Variants in TMPRSS5 observed in about 807,000 individuals in gnomAD.
TMPRSS5 encodes the protein transmembrane protease serine 5.
A neutral mutation model predicts 59.7 loss-of-function variants in TMPRSS5; 45 were observed. The observed-to-expected ratio is 0.75, with a 90% CI of 0.59 to 0.97. TMPRSS5 has a LOEUF of 0.97. TMPRSS5 is among the 50% of genes least tolerant of loss of function. TMPRSS5 has a pLI of 0.00. For synonymous variants in TMPRSS5, 225 were observed against 232.0 expected (o/e 0.97, Z 0.27); for missense variants, 585 against 596.7 (o/e 0.98, Z 0.20).
chr11:113,693,029 G>T, intron 9 of TMPRSS5, 42 bp downstream of exon 9: 2 of 1,359,898 alleles, frequency 1.5e-6, no homozygotes, highest in South Asian at 1.2e-5. Context: ...GCCCTCTCTC[G>T]CCATAGTCTC....
chr11:113,693,212 C>T lies in TMPRSS5; in HGVS notation c.823G>A (p.Ala275Thr). The T allele has an allele frequency of 6.3e-7, 1 of 1,587,484 alleles. No individual in the cohort carries two copies. The highest frequency in any genetic ancestry group is 1.1e-5 in the South Asian group (1 of 87,354). ...ACGGCACTGTGGCTGACCAGCCCCG[C>T]ATGAACCCGCCAGCTGGACAGGCGG... ...LARLSSWRVH[A>T]GLVSHSAVRP... The change falls in exon 9 of 13, where the codon GCG becomes ACG. Residue 275 changes from alanine to threonine, a missense_variant. By Grantham distance (58) the Ala-to-Thr change is moderately conservative. Transcript: ENST00000299882.
At chr11:113,701,618 G>A (rs1423273873) in intron 1 of TMPRSS5, among the ~76,000 whole-genome samples, 1 of 151,948 alleles carries the variant, frequency 6.6e-6, no homozygotes, top group Non-Finnish European at 1.5e-5. Flanking sequence ...TCAAAATATA[G>A]GACATGAAGG....
chr11:113,693,022 C>G (rs1408358503), intron 9 of TMPRSS5, 49 bp downstream of exon 9: 1 of 1,496,716 alleles, frequency 6.7e-7, no homozygotes, highest in Non-Finnish European at 9.1e-7. Context: ...AGCCCCCGCC[C>G]TCTCTCGCCA....
chr11:113,691,786 G>GTAGATACTCATGTAGTATCTACTACT (rs1952785752), intron 9 of TMPRSS5, among the ~76,000 whole-genome samples: 3 of 150,068 alleles, frequency 2.0e-5, no homozygotes, highest in Non-Finnish European at 3.0e-5. Flanking sequence ...TACTACTACA[G>GTAGATACTCATGTAGTATCTACTACT]TAGATACTCA....
At chr11:113,699,945 G>A (rs1202011538) in intron 2 of TMPRSS5, 121 bp downstream of exon 2, 2 of 1,533,054 alleles carry the variant, frequency 1.3e-6, no homozygotes, top group Admixed American at 2.0e-5. Context: ...GGGATAAAGA[G>A]TGAGACAGCC....
chr11:113,699,260 TCTCTCTCTCTCC>T lies in TMPRSS5; in HGVS notation c.206-245_206-234del, dbSNP rs1565263679. 5.4e-3 allele frequency among the ~76,000 whole-genome samples: 195 copies of T among 35,926 alleles called. 25 individuals are homozygous for T. Among genetic ancestry groups the T allele is most frequent in the East Asian group, 0.014 (20 of 1,380 alleles). 23.6% of individuals were successfully genotyped at this position (35,926 alleles called of 152,430 possible). A position where few individuals can be genotyped will look rare whatever the true frequency, so the allele number is the denominator to read the frequency against. ...CTCTCTCTCTCTCTCTCTCTCTCTC[TCTCTCTCTCTCC>T]CTCTCTCTCTCTCTCTCTCTGTCTC... On this transcript the variant is annotated intron_variant, in intron 3 of 12. Transcript: ENST00000299882.
chr11:113,697,338 C>A lies in TMPRSS5; in HGVS notation c.409G>T (p.Glu137Ter). ...DQPRWLLVCH[E>*]GWSPALGLQI... ...AGCCCCAGGGCGGGGCTCCAGCCCTCATGGCAGACCAGGAGCCAGCGTGGC... is the reference window on the plus strand; with the variant it reads ...AGCCCCAGGGCGGGGCTCCAGCCCTAATGGCAGACCAGGAGCCAGCGTGGC... The change falls in exon 5 of 13, where the codon GAG (glutamate) becomes TAG (stop). Residue 137 changes from glutamate to a stop codon, truncating the protein, a stop_gained. Transcript: ENST00000299882. LOFTEE classifies it high-confidence loss of function. 6.2e-7 allele frequency: 1 copy of A among 1,613,814 alleles called. No homozygotes were observed. The highest frequency in any genetic ancestry group is 8.5e-7 in the Non-Finnish European group (1 of 1,179,710).
At chr11:113,689,699 G>C in intron 12 of TMPRSS5, 66 bp downstream of exon 12, 1 of 1,546,348 alleles carries the variant, frequency 6.5e-7, no homozygotes, top group Non-Finnish European at 8.8e-7. Context: ...TAAGGGGTAA[G>C]GTTCCTTGCA....
Position 113,697,397 on chromosome 11 carries a change from T to C in TMPRSS5, c.350A>G (p.Glu117Gly), listed in dbSNP as rs760359816. Residue 117 changes from glutamate (E) to glycine (G), a missense_variant, in exon 5 of 13, where the codon GAA becomes GGA. Glu to Gly is a moderately conservative substitution (Grantham distance 98, BLOSUM62 -2). Coordinates refer to ENST00000299882, the MANE Select transcript of TMPRSS5 (RefSeq NM_030770.4). ...CACTTGCGCTTCCAGCAAGAAGTCT[T>C]CGCTGTTTATTCTGAAAGATACTGA... ...PKTVSFRINS[E>G]DFLLEAQVRD... 6.2e-7 allele frequency: 1 copy of C among 1,613,808 alleles called. No individual in the cohort carries two copies. The highest frequency in any genetic ancestry group is 1.7e-5 in the Admixed American group (1 of 60,024).
chr11:113,690,495 G>A, intron 10 of TMPRSS5, 122 bp from the exon 11 acceptor site: 1 of 1,416,346 alleles, frequency 7.1e-7, no homozygotes, highest in Non-Finnish European at 9.4e-7. Context: ...AGCCCAGGGT[G>A]GGAGCTGTGG....
chr11:113,693,995 C>T (rs776945482), intron 8 of TMPRSS5, among the ~76,000 whole-genome samples: 3 of 152,204 alleles, frequency 2.0e-5, no homozygotes, highest in South Asian at 2.1e-4. Context: ...AGGCCAGGCA[C>T]GGTGGCTCAC....
At chr11:113,702,614 C>T (rs765416960) in intron 1 of TMPRSS5, among the ~76,000 whole-genome samples, 3 of 152,174 alleles carry the variant, frequency 2.0e-5, no homozygotes, top group Non-Finnish European at 2.9e-5. Flanking sequence ...GTCAGAGACC[C>T]GCAGAGCAGT....
intron 2 of TMPRSS5, 107 bp from the exon 3 acceptor site, chr11:113,699,800 G>T (rs956822424): frequency 7.1e-7 from 1 of 1,399,778 alleles, no homozygotes; most frequent in East Asian, 2.5e-5. Context: ...GCTCCAACAG[G>T]ACACCTCCTC....
At position 113,694,627 on chromosome 11, in the gene TMPRSS5, C is replaced by T. The variant is rs1010606390; in HGVS notation, c.636G>A (p.Arg212=). Reference sequence around the variant, plus strand: ...CACCAACTATCCGGGAAGCCAGGGGCCTCGCTCCACACTCTGCCAACAGAG... The same window carrying T: ...CACCAACTATCCGGGAAGCCAGGGGTCTCGCTCCACACTCTGCCAACAGAG... The part of the protein sequence containing the change: ...VSLRCSECGA[R]PLASRIVGGQ... The change falls in exon 8 of 13, where the codon AGG becomes AGA. Residue 212 remains arginine, a synonymous_variant. Coordinates refer to ENST00000299882, the MANE Select transcript of TMPRSS5 (RefSeq NM_030770.4). The T allele has an allele frequency of 1.9e-6, 3 of 1,547,968 alleles. No individual in the cohort carries two copies. In the East Asian group the frequency reaches 7.3e-5, roughly 38 times the overall value.
At chr11:113,699,476 C>T (rs1339587829) in intron 3 of TMPRSS5, 119 bp downstream of exon 3, 5 of 806,882 alleles carry the variant, frequency 6.2e-6, no homozygotes, top group Non-Finnish European at 9.9e-6. Flanking sequence ...ACCCTTTCTC[C>T]CCTTGTCTGC....
chr11:113,687,979 C>G lies in TMPRSS5; in HGVS notation c.*281G>C, dbSNP rs1015678006. ...CTCCAGCTCCTACCTCTCTCCTCCC[C>G]CTCATCCCTCAGCAACCACAGCATG... On this transcript the variant is annotated 3_prime_UTR_variant, in exon 13 of 13. Coordinates refer to ENST00000299882, the MANE Select transcript of TMPRSS5 (RefSeq NM_030770.4). The G allele has an allele frequency of 1.6e-5, 6 of 386,540 alleles. No homozygotes were observed. Among genetic ancestry groups the G allele is most frequent in the South Asian group, 1.1e-4 (1 of 9,072 alleles). The allele number at this position is 386,540 out of a possible 1,614,324, so 23.9% of individuals were successfully genotyped here. A position where few individuals can be genotyped will look rare whatever the true frequency, so the allele number is the denominator to read the frequency against.
rs1333871160 is a variant in TMPRSS5, at chr11:113,687,722, G to C, written c.*538C>G. 2 of 153,002 alleles carry C rather than the reference G, an allele frequency of 1.3e-5. No individual in the cohort carries two copies. The highest frequency in any genetic ancestry group is 2.1e-4 in the South Asian group (1 of 4,836). 9.5% of individuals were successfully genotyped at this position (153,002 alleles called of 1,614,324 possible). On this transcript the variant is annotated 3_prime_UTR_variant, in exon 13 of 13. Coordinates refer to ENST00000299882, the MANE Select transcript of TMPRSS5 (RefSeq NM_030770.4). ...GGAAGGGGAGTGGAGAGGGAGAGTG[G>C]AGAGGGTCCTGACTCCCATAGGCTT...
chr11:113,688,624 G>A (rs1228898979), intron 12 of TMPRSS5, among the ~76,000 whole-genome samples: 2 of 152,148 alleles, frequency 1.3e-5, no homozygotes, highest in Non-Finnish European at 2.9e-5. Context: ...AGCCTGGAGT[G>A]CAGTGGCACG....
chr11:113,693,258 A>T lies in TMPRSS5; in HGVS notation c.786-9T>A, dbSNP rs758880869. Reference sequence around the variant, plus strand: ...GGCGGGCCAGCCTGAAACTGCACACAGGGGCCATGCTGAGCGGGGAAGGAA... The same window carrying T: ...GGCGGGCCAGCCTGAAACTGCACACTGGGGCCATGCTGAGCGGGGAAGGAA... On this transcript the variant is annotated splice_polypyrimidine_tract_variant and intron_variant, in intron 8 of 12. Coordinates refer to ENST00000299882, the MANE Select transcript of TMPRSS5 (RefSeq NM_030770.4). 3 of 1,547,012 alleles carry T rather than the reference A, an allele frequency of 1.9e-6. No individual in the cohort carries two copies. Among genetic ancestry groups the T allele is most frequent in the African/African-American group, 1.4e-5 (1 of 73,214 alleles).
Sources: gnomAD v4.1 joint callset for allele counts (sites outside exome capture counted in the v4.1 genomes callset) on GRCh38, gnomAD v4.1.1 for gene constraint, MANE v1.5 for transcripts, NCBI Gene and HGNC (gene_info 2026-07-23, HGNC 2026-07-21) for gene names.